The following NUDC variants were observed in gnomAD, a reference collection of about 807,000 sequenced individuals.
The protein encoded by NUDC is nuclear migration protein nudC.
NUDC carries 14 observed loss-of-function variants against 45.0 expected under a neutral mutation model. That is an observed-to-expected ratio of 0.31 (90% CI 0.21 to 0.49). The LOEUF (loss-of-function observed/expected upper bound fraction) is 0.49, where lower values mean the gene tolerates loss of function less well. NUDC is among the 20% of genes least tolerant of loss of function. The probability of loss-of-function intolerance (pLI) is 0.99; values close to 1 mark genes in which losing one functional copy is unlikely to be tolerated. For missense variants in NUDC, 323 were observed against 426.2 expected, an observed-to-expected ratio of 0.76 and a Z score of 2.13; for synonymous variants, 153 against 156.7, an observed-to-expected ratio of 0.98 and a Z score of 0.17.
At position 26,936,146 on chromosome 1, in the gene NUDC, T is replaced by C. The variant is rs1557678303; in HGVS notation, c.160-5311T>C. Among the ~76,000 whole-genome samples, 7 of 8,662 alleles carry C rather than the reference T, an allele frequency of 8.1e-4. 1 individual carries two copies. Among genetic ancestry groups the C allele is most frequent in the Non-Finnish European group, 1.9e-3 (6 of 3,238 alleles). The allele number at this position is 8,662 out of a possible 152,430, so 5.7% of individuals were successfully genotyped here. ...ACCACGCCCGGCTAATATATATATA[T>C]ATATATATATATATATATATTTTTT... On this transcript the variant is annotated intron_variant, in intron 2 of 8. Transcript: ENST00000321265.
chr1:26,927,247 A>G (rs1451975738), intron 2 of NUDC, among the ~76,000 whole-genome samples: 1 of 82,600 alleles, frequency 1.2e-5, no homozygotes, highest in Non-Finnish European at 2.4e-5. Flanking sequence ...TGGCTGTAAG[A>G]AGGGAGAGAG....
intron 2 of NUDC, among the ~76,000 whole-genome samples, chr1:26,932,824 G>A (rs1367351186): frequency 6.6e-6 from 1 of 152,092 alleles, no homozygotes; most frequent in Non-Finnish European, 1.5e-5. Context: ...TCATATAAAT[G>A]GAATCATACA....
intron 2 of NUDC, among the ~76,000 whole-genome samples, chr1:26,935,785 C>T (rs1484494261): frequency 6.6e-6 from 1 of 151,610 alleles, no homozygotes; most frequent in Non-Finnish European, 1.5e-5. Context: ...ACACTTTACA[C>T]TGGGTGATAG....
At chr1:26,913,420 AG>A in intron 3 of NUDC, 1 of 1,614,076 alleles carries the variant, frequency 6.2e-7, no homozygotes, top group Non-Finnish European at 8.5e-7. Context: ...GGGGTTGAAG[AG>A]GATGGTCCCT....
chr1:26,911,211 T>A (rs2082024323), exon 3 of NUDC: 1 of 468,100 alleles, frequency 2.1e-6, no homozygotes, highest in African/African-American at 2.0e-5. Flanking sequence ...GCTTCCTGAT[T>A]GGCTGTGATT....
rs116125914 is a variant in NUDC, at chr1:26,933,222, C to T, written c.160-8235C>T. 6.0e-3 allele frequency among the ~76,000 whole-genome samples: 912 copies of T among 152,060 alleles called. 12 individuals carry two copies. Among genetic ancestry groups the T allele is most frequent in the African/African-American group, 0.019 (801 of 41,478 alleles). On this transcript the variant is annotated intron_variant, in intron 2 of 8. Transcript: ENST00000321265. ...GAGCTGGGATTACAGGCTTGACCAC[C>T]GCGCCCGGCCACAATTTTTTTTTTT...
intron 1 of NUDC, among the ~76,000 whole-genome samples, 200 bp from the exon 2 acceptor site, chr1:26,923,889 A>T (rs1376155968): frequency 6.6e-6 from 1 of 152,178 alleles, no homozygotes; most frequent in Non-Finnish European, 1.5e-5. Context: ...AGGCGCACAC[A>T]CACACAGGAT....
intron 3 of NUDC, chr1:26,913,322 A>T: frequency 8.5e-7 from 1 of 1,173,908 alleles, no homozygotes; most frequent in Non-Finnish European, 1.3e-6. Context: ...CCAATGAGAT[A>T]ACAGATATCA....
chr1:26,926,419 T>A (rs1372689093), intron 2 of NUDC, among the ~76,000 whole-genome samples: 2 of 152,192 alleles, frequency 1.3e-5, no homozygotes, highest in African/African-American at 4.8e-5. Context: ...TTTCCATCTT[T>A]ACATCTGTAA....
chr1:26,906,246 TCCAC>T (rs1348361273), intron 2 of NUDC, among the ~76,000 whole-genome samples: 1 of 151,212 alleles, frequency 6.6e-6, no homozygotes, highest in Non-Finnish European at 1.5e-5. Context: ...GCCACTGAAC[TCCAC>T]CCTGGGCAAG....
At chr1:26,910,801 A>G (rs1346256468) in intron 2 of NUDC, among the ~76,000 whole-genome samples, 2 of 152,240 alleles carry the variant, frequency 1.3e-5, no homozygotes, top group Admixed American at 6.5e-5. Flanking sequence ...CACAAGTCAT[A>G]TTCTGAATGG....
In NUDC at chr1:26,946,358, G is replaced by A. The variant is rs558176414; in HGVS notation, c.*177G>A. ...GGGTCTTGGGACCTTGTCCTCCCCA[G>A]TTGGCCTACTGTTACACATTAAAAC... On this transcript the variant is annotated 3_prime_UTR_variant, in exon 9 of 9. Coordinates refer to ENST00000321265, the MANE Select transcript of NUDC (RefSeq NM_006600.4). 4.7e-4 allele frequency: 314 copies of A among 675,114 alleles called. 2 individuals are homozygous for A. The highest frequency in any genetic ancestry group is 7.0e-4 in the Non-Finnish European group (261 of 371,194). 41.8% of individuals were successfully genotyped at this position (675,114 alleles called of 1,614,324 possible).
intron 2 of NUDC, among the ~76,000 whole-genome samples, chr1:26,902,927 T>C (rs1194873924): frequency 6.6e-6 from 1 of 151,896 alleles, no homozygotes; most frequent in East Asian, 1.9e-4. Flanking sequence ...TATGCGCCTG[T>C]AATCTCAGCT....
chr1:26,941,993 G>A (rs2082281665), intron 4 of NUDC, among the ~76,000 whole-genome samples, 175 bp downstream of exon 4: 1 of 152,030 alleles, frequency 6.6e-6, no homozygotes, highest in Non-Finnish European at 1.5e-5. Flanking sequence ...AAAGGATCCA[G>A]GTTAAAAAAA....
chr1:26,932,551 G>C (rs768453545), intron 2 of NUDC, among the ~76,000 whole-genome samples: 6 of 151,972 alleles, frequency 3.9e-5, no homozygotes, highest in Non-Finnish European at 7.4e-5. Flanking sequence ...TCTAACTCCA[G>C]GGCTCAAGTG....
At chr1:26,933,523 C>T (rs528952069) in intron 2 of NUDC, among the ~76,000 whole-genome samples, 1 of 151,992 alleles carries the variant, frequency 6.6e-6, no homozygotes, top group African/African-American at 2.4e-5. Flanking sequence ...AAGCGATTCT[C>T]CTGCCTCAGC....
chr1:26,919,293 C>T (rs12756289), upstream of NUDC, among the ~76,000 whole-genome samples: 13,976 of 152,004 alleles, frequency 0.092, 766 homozygotes, highest in African/African-American at 0.15. Context: ...ATGTGCACAA[C>T]GTGCAGGTTT....
At chr1:26,912,695 T>C (rs2082035837) in intron 3 of NUDC, among the ~76,000 whole-genome samples, 1 of 152,162 alleles carries the variant, frequency 6.6e-6, no homozygotes, top group African/African-American at 2.4e-5. Flanking sequence ...CTACGCCCCT[T>C]TCAGTCATCT....
In NUDC at chr1:26,921,895, C is replaced by T. The variant is rs2082094219; in HGVS notation, c.47C>T (p.Ala16Val). 1.3e-6 allele frequency: 2 copies of T among 1,554,886 alleles called. No homozygotes were observed. The highest frequency in any genetic ancestry group is 1.7e-6 in the Non-Finnish European group (2 of 1,149,092). Residue 16 changes from alanine (A) to valine (V), a missense_variant, in exon 1 of 9, where the codon GCC (alanine) becomes GTC (valine). Physicochemically the swap from Ala to Val is moderately conservative, Grantham distance 64. Around this residue, in one of 3 missense-constraint regions of NUDC, gnomAD observed 24 missense variants for 47.2 expected, o/e 0.51. Coordinates refer to ENST00000321265, the MANE Select transcript of NUDC (RefSeq NM_006600.4). ...GAGCGGTTCGACGGCATGTTGCTGGCCATGGCTCAGCAGCACGAGGGCGGC... is the reference window on the plus strand; with the variant it reads ...GAGCGGTTCGACGGCATGTTGCTGGTCATGGCTCAGCAGCACGAGGGCGGC... ...EEERFDGMLL[A>V]MAQQHEGGVQ... is the part of the protein sequence containing the mutation.
Sources: gnomAD v4.1 joint callset for allele counts (sites outside exome capture counted in the v4.1 genomes callset) on GRCh38, gnomAD v4.1.1 for gene constraint, gnomAD v4.1.1 regional missense constraint, MANE v1.5 for transcripts, NCBI Gene and HGNC (gene_info 2026-07-23, HGNC 2026-07-21) for gene names.